The following GSDMC variants were observed in gnomAD, a reference collection of about 807,000 sequenced individuals.
GSDMC encodes gasdermin-C.
In GSDMC, 59 loss-of-function variants were observed where a neutral mutation model predicts 58.0. The observed-to-expected ratio is 1.02, with a 90% CI of 0.82 to 1.26. GSDMC has a LOEUF of 1.26. GSDMC is among the 50% of genes most tolerant of loss of function. GSDMC has a pLI of 0.00. For synonymous variants in GSDMC, 241 were observed against 220.2 expected, an observed-to-expected ratio of 1.09 and a Z score of -0.83; for missense variants, 659 against 598.5, an observed-to-expected ratio of 1.10 and a Z score of -1.06.
the GSDMC span, among the ~76,000 whole-genome samples, chr8:129,713,344 T>C: frequency 6.6e-6 from 1 of 152,276 alleles, no homozygotes; most frequent in Non-Finnish European, 1.5e-5. Flanking sequence ...AGAATGGTGC[T>C]GAGGCTCTCA....
chr8:129,760,486 C>T (rs1346468061), intron 6 of GSDMC, 59 bp downstream of exon 6: 10 of 911,674 alleles, frequency 1.1e-5, no homozygotes, highest in Non-Finnish European at 1.6e-5. Context: ...TATAAATATA[C>T]ATACCTCCCA....
At chr8:129,785,575 G>A (rs2034534515) in intron 1 of GSDMC, among the ~76,000 whole-genome samples, 1 of 151,696 alleles carries the variant, frequency 6.6e-6, no homozygotes, top group Non-Finnish European at 1.5e-5. Flanking sequence ...ACAATTAAGA[G>A]TATAATTGTA....
At chr8:129,781,509 C>T (rs1294147932) in intron 1 of GSDMC, among the ~76,000 whole-genome samples, 3 of 152,236 alleles carry the variant, frequency 2.0e-5, no homozygotes, top group Admixed American at 6.5e-5. Context: ...TTTTTGGAGG[C>T]CGAGACGGGC....
chr8:129,750,262 G>A (rs1280833595), intron 11 of GSDMC, 143 bp from the exon 12 acceptor site: 2 of 1,000,194 alleles, frequency 2.0e-6, no homozygotes, highest in Admixed American at 2.8e-5. Flanking sequence ...CCTCAGTAGT[G>A]GGGGCGACAC....
rs769905738 is a variant in GSDMC at position 129,777,572 on chromosome 8, C to G, written c.16G>C (p.Glu6Gln). MPSML[E>Q]RISKNLVKEI... ...TTGACCAAATTTTTGCTAATGCGTT[C>G]CAACATGGAGGGCATGTTGCTAGGA... Residue 6 changes from glutamate (E) to glutamine (Q), a missense_variant, in exon 2 of 14, where the codon GAA becomes CAA. Coordinates refer to ENST00000276708, the MANE Select transcript of GSDMC (RefSeq NM_031415.3). The G allele has an allele frequency of 1.2e-6, 2 of 1,600,332 alleles. No individual in the cohort carries two copies. The highest frequency in any genetic ancestry group is 1.7e-6 in the Non-Finnish European group (2 of 1,169,642).
chr8:129,716,296 A>G, the GSDMC span, among the ~76,000 whole-genome samples: 1 of 152,228 alleles, frequency 6.6e-6, no homozygotes, highest in Admixed American at 6.5e-5. Flanking sequence ...AAAGAGATTA[A>G]AAATAAAAAG....
At chr8:129,780,688 G>T (rs1008157627) in intron 1 of GSDMC, among the ~76,000 whole-genome samples, 1 of 152,116 alleles carries the variant, frequency 6.6e-6, no homozygotes, top group Non-Finnish European at 1.5e-5. Context: ...TGAGCAAGAA[G>T]AAATCATCTG....
chr8:129,728,659 C>G, the GSDMC span: 1 of 288,850 alleles, frequency 3.5e-6, no homozygotes. Context: ...TGCTAGTAAA[C>G]AAGGATCAAG....
chr8:129,724,819 A>G, the GSDMC span, among the ~76,000 whole-genome samples: 1 of 152,188 alleles, frequency 6.6e-6, no homozygotes, highest in Non-Finnish European at 1.5e-5. Context: ...AGCTACCTAT[A>G]GAAGGAATAC....
At chr8:129,719,756 C>A in the GSDMC span, among the ~76,000 whole-genome samples, 1 of 152,050 alleles carries the variant, frequency 6.6e-6, no homozygotes, top group Non-Finnish European at 1.5e-5. Context: ...ACAAGCCTGG[C>A]CAACATGGTG....
chr8:129,768,487 G>C (rs142547949), intron 3 of GSDMC, among the ~76,000 whole-genome samples: 208 of 152,130 alleles, frequency 1.4e-3, no homozygotes, highest in Middle Eastern at 6.8e-3. Flanking sequence ...TTAAGAAAAC[G>C]ATACACAAAA....
intron 1 of GSDMC, among the ~76,000 whole-genome samples, chr8:129,778,369 A>G (rs1425763228): frequency 2.6e-5 from 4 of 152,192 alleles, no homozygotes; most frequent in African/African-American, 7.2e-5. Flanking sequence ...TGTCTTCTTC[A>G]TTCAATAAAT....
intron 6 of GSDMC, among the ~76,000 whole-genome samples, chr8:129,758,792 A>C (rs2033541428): frequency 6.6e-6 from 1 of 152,180 alleles, no homozygotes; most frequent in African/African-American, 2.4e-5. Context: ...TATACTCCCC[A>C]AAGCAATCTA....
chr8:129,752,228 T>G, intron 7 of GSDMC, 81 bp from the exon 8 acceptor site: 1 of 1,088,394 alleles, frequency 9.2e-7, no homozygotes, highest in Admixed American at 1.9e-5. Context: ...TCCCTCTTGG[T>G]CTCACCTCTA....
At chr8:129,753,546 G>C (rs1366662866) in intron 6 of GSDMC, among the ~76,000 whole-genome samples, 1 of 152,196 alleles carries the variant, frequency 6.6e-6, no homozygotes, top group Non-Finnish European at 1.5e-5. Flanking sequence ...GCTAACTAAA[G>C]GTGTGACTCA....
rs753360215 is a variant in GSDMC, at chr8:129,748,668, C to T, written c.1360G>A (p.Ala454Thr). 9.3e-6 allele frequency: 15 copies of T among 1,608,144 alleles called. No homozygotes were observed. The East Asian group carries it at 1.6e-4, about 17-fold the overall frequency. ...GCCAAACCCTCACTCTGGAGTGGGG[C>T]GAGGAGCTCAGGTTTGAGGGTGAAG... ...IPFTLKPELL[A>T]PLQSEGLAIT... is the part of the protein sequence containing the mutation. Residue 454 changes from alanine to threonine, a missense_variant, in exon 14 of 14, where the codon GCC (alanine) becomes ACC (threonine). By Grantham distance (58) the Ala-to-Thr change is moderately conservative. Coordinates refer to ENST00000276708, the MANE Select transcript of GSDMC (RefSeq NM_031415.3).
At chr8:129,762,475 G>T in intron 5 of GSDMC, 151 bp downstream of exon 5, 2 of 687,276 alleles carry the variant, frequency 2.9e-6, no homozygotes, top group Non-Finnish European at 5.2e-6. Context: ...ATGGGTGTGT[G>T]CCCTGGACAG....
chr8:129,718,887 C>T, the GSDMC span, among the ~76,000 whole-genome samples: 1 of 152,186 alleles, frequency 6.6e-6, no homozygotes, highest in Admixed American at 6.5e-5. Flanking sequence ...TTTGCAGGGA[C>T]ATGGGTGAAG....
chr8:129,725,819 A>G, the GSDMC span, among the ~76,000 whole-genome samples: 2 of 152,228 alleles, frequency 1.3e-5, no homozygotes, highest in African/African-American at 2.4e-5. Context: ...GGAGGTTGCA[A>G]AGTTAGGGAT....
Sources: allele counts gnomAD v4.1 joint callset (sites outside exome capture counted in the v4.1 genomes callset), GRCh38; gene constraint gnomAD v4.1.1; transcripts MANE v1.5; gene names NCBI Gene and HGNC (gene_info 2026-07-23, HGNC 2026-07-21).